Variants in IER3IP1 observed in about 807,000 individuals in gnomAD.
IER3IP1 encodes the protein immediate early response 3 interacting protein 1.
In IER3IP1, 16 loss-of-function variants were observed where a neutral mutation model predicts 12.2. The observed-to-expected ratio is 1.31, with a 90% confidence interval of 0.89 to 1.99. The LOEUF (loss-of-function observed/expected upper bound fraction) is 1.99, where lower values mean the gene tolerates loss of function less well. Among genes scored for constraint, IER3IP1 ranks in the 30% most tolerant of loss-of-function variants. IER3IP1 has a pLI of 0.00. For missense variants in IER3IP1, 95 were observed against 95.8 expected (o/e 0.99, Z 0.03); for synonymous variants, 42 against 40.0 (o/e 1.05, Z -0.19).
chr18:47,166,010 TA>T (rs1326118275), intron 1 of IER3IP1, among the ~76,000 whole-genome samples: 1 of 152,252 alleles, frequency 6.6e-6, no homozygotes, highest in Non-Finnish European at 1.5e-5. Context: ...CTGGATATGA[TA>T]AATACTTGTC....
At chr18:47,166,599 A>C (rs1359612417) in intron 1 of IER3IP1, among the ~76,000 whole-genome samples, 1 of 152,158 alleles carries the variant, frequency 6.6e-6, no homozygotes, top group Non-Finnish European at 1.5e-5. Flanking sequence ...AGAGTGTTGA[A>C]GTTTATATTG....
intron 1 of IER3IP1, among the ~76,000 whole-genome samples, chr18:47,162,207 G>A (rs894866605): frequency 1.3e-5 from 2 of 152,082 alleles, no homozygotes; most frequent in Non-Finnish European, 2.9e-5. Flanking sequence ...CCAGTTGTCG[G>A]AAGAAAGACT....
intron 2 of IER3IP1, 112 bp downstream of exon 2, chr18:47,157,324 G>T: frequency 1.3e-6 from 1 of 772,164 alleles, no homozygotes; most frequent in Non-Finnish European, 2.1e-6. Flanking sequence ...CCATGTTAAA[G>T]AGAAAAAAAA....
At chr18:47,167,876 C>T (rs1330316002) in intron 1 of IER3IP1, among the ~76,000 whole-genome samples, 2 of 152,032 alleles carry the variant, frequency 1.3e-5, no homozygotes, top group Non-Finnish European at 2.9e-5. Flanking sequence ...GTAATCCCAG[C>T]ACTTTAGGAA....
intron 1 of IER3IP1, among the ~76,000 whole-genome samples, chr18:47,173,629 C>A (rs1338626506): frequency 1.3e-5 from 2 of 152,190 alleles, no homozygotes; most frequent in Non-Finnish European, 2.9e-5. Flanking sequence ...AGCCACCATG[C>A]CCAGCCTCTA....
chr18:47,163,629 CA>C (rs1473889496), intron 1 of IER3IP1, among the ~76,000 whole-genome samples: 3 of 152,132 alleles, frequency 2.0e-5, no homozygotes, highest in Non-Finnish European at 4.4e-5. Flanking sequence ...CCTTCCATAG[CA>C]TAAGTCAATA....
intron 1 of IER3IP1, among the ~76,000 whole-genome samples, chr18:47,169,610 T>TA (rs981808749): frequency 2.0e-5 from 3 of 149,072 alleles, no homozygotes; most frequent in African/African-American, 7.3e-5. Flanking sequence ...TTTATTATAT[T>TA]TATTATTTAT....
In IER3IP1 at chr18:47,176,339, C is replaced by A. The variant is rs2064034450; in HGVS notation, c.-62G>T. ...TCTCCCGCCGCCGCAAGGGACGTGG[C>A]GCCTCCACGGCCGGCGCCTTCCTAC... is the stretch of plus-strand genomic sequence containing the variant. On this transcript the variant is annotated 5_prime_UTR_variant, in exon 1 of 3. Coordinates refer to ENST00000256433, the MANE Select transcript of IER3IP1 (RefSeq NM_016097.5). 2 of 1,439,594 alleles carry A rather than the reference C, an allele frequency of 1.4e-6. No individual in the cohort carries two copies. Among genetic ancestry groups the A allele is most frequent in the African/African-American group, 1.4e-5 (1 of 71,224 alleles). The allele number at this position is 1,439,594 out of a possible 1,614,324, so 89.2% of individuals were successfully genotyped here.
At position 47,153,470 on chromosome 18, in the gene IER3IP1, G is replaced by A. The variant is rs577519249; in HGVS notation, c.*2707C>T. ...TGTTAAATAGGTAAACTTGTGTCAC[G>A]GGGGTTTGGCACAGATTATTTCGTT... On this transcript the variant is annotated 3_prime_UTR_variant, in exon 3 of 3. Coordinates refer to ENST00000256433, the MANE Select transcript of IER3IP1 (RefSeq NM_016097.5). 3 of 150,170 alleles carry A rather than the reference G, an allele frequency of 2.0e-5. No individual in the cohort carries two copies. Among genetic ancestry groups the A allele is most frequent in the East Asian group, 2.0e-4 (1 of 5,034 alleles). The allele number at this position is 150,170 out of a possible 1,614,324, so 9.3% of individuals were successfully genotyped here. A position where few individuals can be genotyped will look rare whatever the true frequency, so the allele number is the denominator to read the frequency against.
intron 1 of IER3IP1, among the ~76,000 whole-genome samples, chr18:47,173,903 A>G (rs1445075819): frequency 6.6e-6 from 1 of 152,156 alleles, no homozygotes; most frequent in Non-Finnish European, 1.5e-5. Context: ...CAGTTGTCAC[A>G]TGATCTTCTG....
rs534974837 is a variant in IER3IP1 at position 47,176,282 on chromosome 18, G to A, written c.-5C>T. 2 of 1,602,088 alleles carry A rather than the reference G, an allele frequency of 1.2e-6. No individual in the cohort carries two copies. The highest frequency in any genetic ancestry group is 1.3e-5 in the African/African-American group (1 of 74,800). ...TGAGTACAGGGTAAAGGCCATGGCC[G>A]TCCGAGGCCGCCCCGAAGTCCAAGC... On this transcript the variant is annotated 5_prime_UTR_variant, in exon 1 of 3. It adds an upstream start codon to the 5' untranslated region. Transcript: ENST00000256433.
intron 1 of IER3IP1, among the ~76,000 whole-genome samples, chr18:47,168,143 A>T (rs1444263613): frequency 2.8e-5 from 4 of 143,626 alleles, no homozygotes; most frequent in African/African-American, 7.9e-5. Flanking sequence ...AAAAAAAAAA[A>T]AAAAAAAAAA....
chr18:47,170,658 AAAATT>A (rs2064012414), intron 1 of IER3IP1, among the ~76,000 whole-genome samples: 1 of 152,122 alleles, frequency 6.6e-6, no homozygotes, highest in South Asian at 2.1e-4. Context: ...TATTGTAAAT[AAAATT>A]ATTTCCTTTA....
At chr18:47,159,660 T>A (rs1234989619) in intron 1 of IER3IP1, among the ~76,000 whole-genome samples, 1 of 152,186 alleles carries the variant, frequency 6.6e-6, no homozygotes, top group African/African-American at 2.4e-5. Context: ...TGTGATAATG[T>A]GTTATTACAG....
intron 1 of IER3IP1, among the ~76,000 whole-genome samples, chr18:47,163,071 A>C (rs762412182): frequency 9.2e-5 from 14 of 152,156 alleles, no homozygotes; most frequent in Non-Finnish European, 1.9e-4. Flanking sequence ...AACCATAGAT[A>C]GTACCAAACC....
intron 1 of IER3IP1, among the ~76,000 whole-genome samples, chr18:47,159,536 A>G (rs902632464): frequency 2.0e-5 from 3 of 152,258 alleles, no homozygotes; most frequent in Non-Finnish European, 4.4e-5. Flanking sequence ...CCAGTATTGC[A>G]AATGATGTAA....
intron 1 of IER3IP1, among the ~76,000 whole-genome samples, chr18:47,169,091 C>T (rs941660733): frequency 6.6e-6 from 1 of 152,176 alleles, no homozygotes; most frequent in African/African-American, 2.4e-5. Context: ...TCAGGCCCTC[C>T]AGCACCAAGC....
chr18:47,169,319 A>G (rs1228774614), intron 1 of IER3IP1, among the ~76,000 whole-genome samples: 2 of 152,174 alleles, frequency 1.3e-5, no homozygotes, highest in African/African-American at 2.4e-5. Flanking sequence ...AGATATCTAC[A>G]GTTTAGTCAT....
At chr18:47,173,368 A>G (rs1204611833) in intron 1 of IER3IP1, among the ~76,000 whole-genome samples, 2 of 151,960 alleles carry the variant, frequency 1.3e-5, no homozygotes, top group Non-Finnish European at 2.9e-5. Context: ...TTCCTTCGAG[A>G]CATAGTCTTG....
Sources: gnomAD v4.1 joint callset for allele counts (sites outside exome capture counted in the v4.1 genomes callset) on GRCh38, gnomAD v4.1.1 for gene constraint, MANE v1.5 for transcripts, NCBI Gene and HGNC (gene_info 2026-07-23, HGNC 2026-07-21) for gene names.